The following ABCC12 variants were observed in gnomAD, a reference collection of about 807,000 sequenced individuals.
ABCC12 encodes the protein ATP-binding cassette sub-family C member 12.
ABCC12 carries 142 observed loss-of-function variants against 151.1 expected under a neutral mutation model. That is an observed-to-expected ratio of 0.94 (90% CI 0.82 to 1.08). ABCC12 has a LOEUF of 1.08. Among genes scored for constraint, ABCC12 ranks in the 50% least tolerant of loss-of-function variants. The pLI is 0.00. For synonymous variants in ABCC12, 645 were observed against 646.4 expected, an observed-to-expected ratio of 1.00 and a Z score of 0.03; for missense variants, 1,638 against 1,691.1, an observed-to-expected ratio of 0.97 and a Z score of 0.55.
chr16:48,113,971 G>GC (rs1203744900), intron 15 of ABCC12, among the ~76,000 whole-genome samples: 1 of 152,190 alleles, frequency 6.6e-6, no homozygotes, highest in African/African-American at 2.4e-5. Context: ...TATTCCAGGT[G>GC]CAGAGCTAGG....
chr16:48,104,771 G>A (rs1045893506), intron 21 of ABCC12, among the ~76,000 whole-genome samples: 4 of 152,198 alleles, frequency 2.6e-5, no homozygotes, highest in Non-Finnish European at 4.4e-5. Flanking sequence ...GCCCTCCCAG[G>A]CCCTGGCTGC....
At chr16:48,090,052 TAA>T (rs1962813727) in intron 25 of ABCC12, among the ~76,000 whole-genome samples, 2 of 152,236 alleles carry the variant, frequency 1.3e-5, no homozygotes, top group Admixed American at 1.3e-4. Flanking sequence ...TTAAAATCTT[TAA>T]GTTTGTAAAT....
chr16:48,139,713 T>C (rs1395536484), intron 6 of ABCC12, among the ~76,000 whole-genome samples: 2 of 152,158 alleles, frequency 1.3e-5, no homozygotes, highest in African/African-American at 4.8e-5. Flanking sequence ...CCAGCCTCCT[T>C]TGTGGAAGGA....
intron 2 of ABCC12, 130 bp from the exon 3 acceptor site, chr16:48,146,604 A>G: frequency 5.1e-6 from 3 of 589,830 alleles, no homozygotes; most frequent in Non-Finnish European, 9.1e-6. Context: ...TGAGCTTTCC[A>G]CATTTGTAGG....
At chr16:48,100,748 A>C in intron 23 of ABCC12, 124 bp downstream of exon 23, 2 of 1,231,646 alleles carry the variant, frequency 1.6e-6, no homozygotes, top group Non-Finnish European at 2.2e-6. Context: ...ACTCCTCCTG[A>C]TTCTTCCAGC....
intron 13 of ABCC12, 137 bp downstream of exon 13, chr16:48,121,579 G>C: frequency 8.3e-7 from 1 of 1,198,772 alleles, no homozygotes; most frequent in Non-Finnish European, 1.2e-6. Context: ...ACCAGTGTCT[G>C]TGTGGATCTG....
Position 48,082,322 on chromosome 16 carries a change from C to A in ABCC12, c.*1393G>T, listed in dbSNP as rs1962376061. Among the ~76,000 whole-genome samples the A allele has an allele frequency of 6.6e-6, 1 of 152,198 alleles. No individual in the cohort carries two copies. The highest frequency in any genetic ancestry group is 2.1e-4 in the South Asian group (1 of 4,830). On this transcript the variant is annotated 3_prime_UTR_variant, in exon 31 of 31. Coordinates refer to ENST00000311303, the MANE Select transcript of ABCC12 (RefSeq NM_001393797.1). ...CTCACCTCCCCGCTGGTTGGGTAGA[C>A]CCCTGCCCAGGCCTGGCCGGAGGAG...
At position 48,086,253 on chromosome 16, in the gene ABCC12, G is replaced by A. The variant is rs377026858; in HGVS notation, c.3714+488C>T. 546 of 171,436 alleles carry A rather than the reference G, an allele frequency of 3.2e-3. 6 individuals carry two copies. The highest frequency in any genetic ancestry group is 7.7e-3 in the African/African-American group (321 of 41,926). The allele number at this position is 171,436 out of a possible 1,614,324, so 10.6% of individuals were successfully genotyped here. On this transcript the variant is annotated intron_variant, in intron 28 of 30. Coordinates refer to ENST00000311303, the MANE Select transcript of ABCC12 (RefSeq NM_001393797.1). ...CAGGGTTCCCTCTCACAGATGGTTC[G>A]GTCCTCTCCAACCAGCCATACTTGC...
Position 48,107,398 on chromosome 16 carries a change from A to C in ABCC12, c.2399T>G (p.Phe800Cys). 6.2e-7 allele frequency: 1 copy of C among 1,614,176 alleles called. No homozygotes were observed. The highest frequency in any genetic ancestry group is 8.5e-7 in the Non-Finnish European group (1 of 1,180,026). Residue 800 changes from phenylalanine (F) to cysteine (C), a missense_variant, in exon 20 of 31, where the codon TTC (phenylalanine) becomes TGC (cysteine). Physicochemically the swap from Phe to Cys is radical, Grantham distance 205. Transcript: ENST00000311303. ...GGYLLSLFTV[F>C]LFLLMIGSAA... ...GCTGCCAATCATCAGGAGGAAGAGG[A>C]ACACAGTGAAGAGAGAAAGGAGGTA...
At chr16:48,138,922 T>C (rs1271444584) in intron 7 of ABCC12, among the ~76,000 whole-genome samples, 2 of 151,902 alleles carry the variant, frequency 1.3e-5, no homozygotes, top group East Asian at 1.9e-4. Flanking sequence ...TGAGCTACGA[T>C]TGCACCACTG....
intron 20 of ABCC12, 29 bp downstream of exon 20, chr16:48,107,293 G>C (rs1462018111): frequency 7.5e-6 from 12 of 1,598,090 alleles, no homozygotes; most frequent in Non-Finnish European, 1.0e-5. Context: ...CACAGACTCG[G>C]CATCTTCCAA....
chr16:48,093,921 C>G (rs1963001401), intron 24 of ABCC12, among the ~76,000 whole-genome samples: 1 of 152,192 alleles, frequency 6.6e-6, no homozygotes, highest in Non-Finnish European at 1.5e-5. Context: ...GGGGAGTCTT[C>G]TCTAATCTCA....
intron 11 of ABCC12, among the ~76,000 whole-genome samples, chr16:48,124,911 TG>T (rs955029479): frequency 6.6e-6 from 1 of 152,048 alleles, no homozygotes; most frequent in African/African-American, 2.4e-5. Context: ...CAGGGGAAGA[TG>T]GACAGGAAGC....
intron 29 of ABCC12, 73 bp from the exon 30 acceptor site, chr16:48,084,146 TAAA>T: frequency 1.4e-6 from 2 of 1,413,820 alleles, no homozygotes; most frequent in Non-Finnish European, 1.9e-6. Flanking sequence ...CTATTTACTT[TAAA>T]AAAAAGAAGA....
intron 18 of ABCC12, 146 bp downstream of exon 18, chr16:48,111,290 G>T: frequency 1.1e-6 from 1 of 938,654 alleles, no homozygotes; most frequent in Non-Finnish European, 1.6e-6. Context: ...CTTAGGCAGT[G>T]GAACCCCAAG....
rs758949374 is a variant in ABCC12 at position 48,141,073 on chromosome 16, G to T, written c.423+133C>A. 9.2e-6 allele frequency: 13 copies of T among 1,420,588 alleles called. No homozygotes were observed. The Admixed American group carries it at 1.2e-4, about 13-fold the overall frequency. The allele number at this position is 1,420,588 out of a possible 1,614,324, so 88.0% of individuals were successfully genotyped here. A position where few individuals can be genotyped will look rare whatever the true frequency, so the allele number is the denominator to read the frequency against. On this transcript the variant is annotated intron_variant, in intron 5 of 30. Transcript: ENST00000311303. ...TGTGCTTGACAAGGATTCACTTTAT[G>T]AAAATTCGCCCCCAAGGAGCGCAAA...
chr16:48,146,263 A>T, intron 3 of ABCC12, 43 bp downstream of exon 3: 1 of 1,569,444 alleles, frequency 6.4e-7, no homozygotes. Context: ...ACATTCCTGG[A>T]GGTCCTGCCC....
At chr16:48,100,755 C>G in intron 23 of ABCC12, 117 bp downstream of exon 23, 1 of 1,277,722 alleles carries the variant, frequency 7.8e-7, no homozygotes, top group Non-Finnish European at 1.1e-6. Context: ...CTGATTCTTC[C>G]AGCTCTTTGT....
intron 15 of ABCC12, among the ~76,000 whole-genome samples, chr16:48,114,523 G>A (rs1160807760): frequency 6.6e-6 from 1 of 152,150 alleles, no homozygotes; most frequent in Non-Finnish European, 1.5e-5. Context: ...AAGAAGACGG[G>A]ACACTTGCTC....
Sources: gnomAD v4.1 joint callset for allele counts (sites outside exome capture counted in the v4.1 genomes callset) on GRCh38, gnomAD v4.1.1 for gene constraint, MANE v1.5 for transcripts, NCBI Gene and HGNC (gene_info 2026-07-23, HGNC 2026-07-21) for gene names.